The following TRPM6 variants were observed in gnomAD, a reference collection of about 807,000 sequenced individuals.
TRPM6 encodes the protein channel kinase 2.
A neutral mutation model predicts 247.6 loss-of-function variants in TRPM6; 111 were observed. That is an observed-to-expected ratio of 0.45 (90% CI 0.38 to 0.52). The LOEUF (loss-of-function observed/expected upper bound fraction) is 0.52, where lower values mean the gene tolerates loss of function less well. TRPM6 is among the 20% of genes least tolerant of loss of function. The pLI, the probability that TRPM6 is intolerant of heterozygous loss-of-function variation, is 0.00. For synonymous variants in TRPM6, 892 were observed against 853.8 expected (o/e 1.04, Z -0.78); for missense variants, 2,126 against 2,421.5 (o/e 0.88, Z 2.56).
chr9:74,787,260 G>C (rs1048876714), intron 20 of TRPM6, among the ~76,000 whole-genome samples: 17 of 150,840 alleles, frequency 1.1e-4, no homozygotes, highest in African/African-American at 3.7e-4. Flanking sequence ...GCTTGAACCT[G>C]GGAGGCAGAG....
chr9:74,837,051 C>A (rs1829747723), intron 5 of TRPM6, among the ~76,000 whole-genome samples: 2 of 152,180 alleles, frequency 1.3e-5, no homozygotes, highest in Non-Finnish European at 2.9e-5. Flanking sequence ...ACAGCCCAAC[C>A]CATCACTAAA....
rs1431527023 is a variant in TRPM6, at chr9:74,834,060, A to G, written c.607T>C (p.Trp203Arg). ...CCCCAAGGAGGGATTCCAACTGTCC[A>G]GATTTTTCTCAAGGAATGAGAGGAA... ...SHSSHSLRKI[W>R]TVGIPPWGVI... Residue 203 changes from tryptophan (W) to arginine (R), a missense_variant, in exon 6 of 39, where the codon TGG (tryptophan) becomes CGG (arginine). By Grantham distance (101) the Trp-to-Arg change is moderately radical. This residue lies in a region of TRPM6 where 1,082 missense variants were observed against 1,307.9 expected (regional missense o/e 0.83). Coordinates refer to ENST00000360774, the MANE Select transcript of TRPM6 (RefSeq NM_017662.5). The G allele has an allele frequency of 1.9e-6, 3 of 1,614,128 alleles. No individual in the cohort carries two copies. The Admixed American group carries it at 5.0e-5, about 27-fold the overall frequency.
At chr9:74,789,550 T>G (rs1476201537) in intron 19 of TRPM6, among the ~76,000 whole-genome samples, 1 of 152,170 alleles carries the variant, frequency 6.6e-6, no homozygotes, top group African/African-American at 2.4e-5. Flanking sequence ...ATTACTAAAT[T>G]TTCTGACAGA....
In TRPM6 at chr9:74,788,641, G is replaced by T. The variant is rs750006994; in HGVS notation, c.2640C>A (p.Phe880Leu). ...CCCTGACCACCTCAATAGCATTGGT[G>T]AAGATGTAAATGCTAACAAGCCACT... is the stretch of plus-strand genomic sequence containing the variant. ...VQEWLVSIYI[F>L]TNAIEVVREI... is the part of the protein sequence containing the mutation. Residue 880 changes from phenylalanine to leucine, a missense_variant, in exon 20 of 39, where the codon TTC becomes TTA. Around this residue, in one of 3 missense-constraint regions of TRPM6, gnomAD observed 1,082 missense variants for 1,307.9 expected, o/e 0.83. Transcript: ENST00000360774. The T allele has an allele frequency of 6.2e-7, 1 of 1,613,848 alleles. No homozygotes were observed. The highest frequency in any genetic ancestry group is 8.5e-7 in the Non-Finnish European group (1 of 1,179,928).
At chr9:74,887,261 C>T in intron 1 of TRPM6, 1 of 1,327,368 alleles carries the variant, frequency 7.5e-7, no homozygotes, top group South Asian at 2.4e-5. Context: ...CTCCGGGACT[C>T]CTGCACGGGG....
rs533466046 is a variant in TRPM6 at position 74,762,691 on chromosome 9, A to G, written c.3980T>C (p.Val1327Ala). The G allele has an allele frequency of 1.1e-4, 173 of 1,614,128 alleles. 1 individual carries two copies. In the South Asian group the frequency reaches 1.8e-3, roughly 17 times the overall value. The change falls in exon 26 of 39, where the codon GTG becomes GCG. Residue 1327 changes from valine (V) to alanine (A), a missense_variant. Val to Ala is a moderately conservative substitution (Grantham distance 64, BLOSUM62 0). Coordinates refer to ENST00000360774, the MANE Select transcript of TRPM6 (RefSeq NM_017662.5). ...CCTGTTAGGAGACACCCCAGAAACC[A>G]CTATACTACTTTGTGTTTCTTGCCT... ...QERQETQSSI[V>A]VSGVSPNRQA... is the part of the protein sequence containing the mutation.
intron 25 of TRPM6, among the ~76,000 whole-genome samples, chr9:74,768,475 A>C (rs1326981230): frequency 1.3e-5 from 2 of 152,132 alleles, no homozygotes; most frequent in African/African-American, 4.8e-5. Flanking sequence ...TCTCTGGCTA[A>C]ATATACTACA....
chr9:74,792,759 A>C lies in TRPM6; in HGVS notation c.2403T>G (p.Asp801Glu), dbSNP rs1336709818. ...GTTTCTCATCATGGCCCCTTTCCAAATCATACTCTTTCTATAAAATAAACA... is the reference window on the plus strand; with the variant it reads ...GTTTCTCATCATGGCCCCTTTCCAACTCATACTCTTTCTATAAAATAAACA... ...SKESASVKEY[D>E]LERGHDEKLD... The change falls in exon 19 of 39, where the codon GAT becomes GAG. Residue 801 changes from aspartate to glutamate, a missense_variant. By Grantham distance (45) the Asp-to-Glu change is conservative. This residue lies in a region of TRPM6 where 1,082 missense variants were observed against 1,307.9 expected (regional missense o/e 0.83). Coordinates refer to ENST00000360774, the MANE Select transcript of TRPM6 (RefSeq NM_017662.5). 6.2e-7 allele frequency: 1 copy of C among 1,613,822 alleles called. No homozygotes were observed. Among genetic ancestry groups the C allele is most frequent in the South Asian group, 1.1e-5 (1 of 91,082 alleles).
intron 11 of TRPM6, among the ~76,000 whole-genome samples, chr9:74,814,523 A>C (rs1258904454): frequency 1.3e-5 from 2 of 152,222 alleles, no homozygotes; most frequent in Non-Finnish European, 2.9e-5. Context: ...TGATTATTAC[A>C]CATTGTATGC....
At position 74,738,324 on chromosome 9, in the gene TRPM6, A is replaced by G. The variant is rs1825757663; in HGVS notation, c.5776+83T>C. The G allele has an allele frequency of 4.9e-6, 7 of 1,427,782 alleles. No individual in the cohort carries two copies. The East Asian group carries it at 1.4e-4, about 28-fold the overall frequency. 88.4% of individuals were successfully genotyped at this position (1,427,782 alleles called of 1,614,324 possible). On this transcript the variant is annotated intron_variant, in intron 36 of 38. Coordinates refer to ENST00000360774, the MANE Select transcript of TRPM6 (RefSeq NM_017662.5). ...CTTCAAAGCTAAATAGAGCAACTCC[A>G]TATATTACCCATCCTGGTTCTTGCA...
intron 1 of TRPM6, among the ~76,000 whole-genome samples, chr9:74,884,550 T>C (rs1022781443): frequency 6.6e-6 from 1 of 152,172 alleles, no homozygotes; most frequent in Non-Finnish European, 1.5e-5. Flanking sequence ...CATACGTATA[T>C]AAAAGCACAT....
intron 5 of TRPM6, among the ~76,000 whole-genome samples, chr9:74,837,748 C>CTTT: frequency 7.3e-6 from 1 of 137,384 alleles, no homozygotes; most frequent in East Asian, 2.1e-4. Context: ...GCCCGGCCCC[C>CTTT]TTTTTTTTTT....
At chr9:74,833,506 T>C (rs1829612139) in intron 6 of TRPM6, among the ~76,000 whole-genome samples, 1 of 152,192 alleles carries the variant, frequency 6.6e-6, no homozygotes, top group South Asian at 2.1e-4. Flanking sequence ...GGCTACTACC[T>C]TAAGTGAGAC....
chr9:74,800,117 C>T (rs1278207389), intron 17 of TRPM6, 137 bp downstream of exon 17: 5 of 801,314 alleles, frequency 6.2e-6, no homozygotes, highest in South Asian at 6.2e-5. Context: ...CAGTCCCCTG[C>T]TAGAACCTCC....
At chr9:74,859,090 C>T (rs1830617577) in intron 1 of TRPM6, among the ~76,000 whole-genome samples, 1 of 152,276 alleles carries the variant, frequency 6.6e-6, no homozygotes, top group Non-Finnish European at 1.5e-5. Context: ...TACCATAATC[C>T]TATGGAATAA....
chr9:74,798,490 C>T (rs1828182205), intron 17 of TRPM6, among the ~76,000 whole-genome samples: 1 of 152,156 alleles, frequency 6.6e-6, no homozygotes, highest in Non-Finnish European at 1.5e-5. Flanking sequence ...AGACAACTTC[C>T]TGAAGAGGCC....
chr9:74,812,148 G>A lies in TRPM6; in HGVS notation c.1443+151C>T, dbSNP rs1053997337. The A allele has an allele frequency of 4.2e-6, 4 of 958,392 alleles. No individual in the cohort carries two copies. The African/African-American group carries it at 4.9e-5, about 12-fold the overall frequency. 59.4% of individuals were successfully genotyped at this position (958,392 alleles called of 1,614,324 possible). A position where few individuals can be genotyped will look rare whatever the true frequency, so the allele number is the denominator to read the frequency against. On this transcript the variant is annotated intron_variant, in intron 12 of 38. Transcript: ENST00000360774. ...TTACTTATAAATGTTGGGGAAAGAA[G>A]CCTGGAACTAGATCCAGCTTCAGAT... is the stretch of plus-strand genomic sequence containing the variant.
At chr9:74,850,742 CAAAA>C (rs1011916625) in intron 3 of TRPM6, among the ~76,000 whole-genome samples, 1 of 151,014 alleles carries the variant, frequency 6.6e-6, no homozygotes, top group Non-Finnish European at 1.5e-5. Context: ...AAAAAACAAA[CAAAA>C]AAAAGGCAAA....
intron 24 of TRPM6, among the ~76,000 whole-genome samples, chr9:74,773,772 A>C (rs1278395931): frequency 1.3e-5 from 2 of 152,258 alleles, no homozygotes; most frequent in Non-Finnish European, 2.9e-5. Context: ...AAAAAATCTG[A>C]ATTTTAAATT....
Sources: gnomAD v4.1 joint callset for allele counts (sites outside exome capture counted in the v4.1 genomes callset) on GRCh38, gnomAD v4.1.1 for gene constraint, gnomAD v4.1.1 regional missense constraint, MANE v1.5 for transcripts, NCBI Gene and HGNC (gene_info 2026-07-23, HGNC 2026-07-21) for gene names.